UBOX5: variants seen among roughly 807,000 people sequenced by gnomAD.
The protein encoded by UBOX5 is U-box domain containing 5.
A neutral mutation model predicts 39.0 loss-of-function variants in UBOX5; 28 were observed. That is an observed-to-expected ratio of 0.72 (90% confidence interval 0.53 to 0.98). The LOEUF (loss-of-function observed/expected upper bound fraction) is 0.98, where lower values mean the gene tolerates loss of function less well. UBOX5 is among the 50% of genes least tolerant of loss of function. The pLI, the probability that UBOX5 is intolerant of heterozygous loss-of-function variation, is 0.00. For missense variants in UBOX5, 585 were observed against 674.4 expected, an observed-to-expected ratio of 0.87 and a Z score of 1.47; for synonymous variants, 283 against 275.5, an observed-to-expected ratio of 1.03 and a Z score of -0.27.
chr20:3,123,337 A>T lies in UBOX5; in HGVS notation c.29T>A (p.Phe10Tyr). The T allele has an allele frequency of 1.2e-6, 2 of 1,614,084 alleles. No individual in the cohort carries two copies. The highest frequency in any genetic ancestry group is 1.7e-6 in the Non-Finnish European group (2 of 1,179,998). The change falls in exon 2 of 5, where the codon TTC (phenylalanine) becomes TAC (tyrosine). Residue 10 changes from phenylalanine (F) to tyrosine (Y), a missense_variant. Physicochemically the swap from Phe to Tyr is conservative, Grantham distance 22. Coordinates refer to ENST00000217173, the MANE Select transcript of UBOX5 (RefSeq NM_014948.4). MVINLCLPQ[F>Y]RPRIHCNKIS... The stretch of plus-strand genomic sequence containing the variant: ...CTTGTTGCAGTGAATTCTTGGTCTG[A>T]ACTGTGGGAGGCAAAGATTTATTAC...
intron 1 of UBOX5, among the ~76,000 whole-genome samples, chr20:3,139,383 T>TTTTA (rs112252385): frequency 0.13 from 18,989 of 151,606 alleles, 1,359 homozygotes; most frequent in African/African-American, 0.2. Flanking sequence ...TATTTTTAAT[T>TTTTA]TTTATTTATT....
intron 1 of UBOX5, among the ~76,000 whole-genome samples, chr20:3,144,852 T>G (rs1219682390): frequency 6.6e-6 from 1 of 152,228 alleles, no homozygotes; most frequent in Admixed American, 6.5e-5. Context: ...AAAACCATTC[T>G]GCCTAAGCGT....
intron 1 of UBOX5, among the ~76,000 whole-genome samples, chr20:3,141,957 G>A (rs1021538203): frequency 6.6e-6 from 1 of 151,212 alleles, no homozygotes; most frequent in African/African-American, 2.4e-5. Flanking sequence ...AGGCTGCAGT[G>A]AGCCATAATC....
At chr20:3,114,935 G>A (rs1046945002) in intron 4 of UBOX5, among the ~76,000 whole-genome samples, 5 of 152,088 alleles carry the variant, frequency 3.3e-5, no homozygotes, top group South Asian at 2.1e-4. Context: ...GCAACAGGGC[G>A]AGATGCAGTC....
intron 1 of UBOX5, among the ~76,000 whole-genome samples, chr20:3,144,539 G>C (rs1217368071): frequency 6.6e-6 from 1 of 152,064 alleles, no homozygotes; most frequent in African/African-American, 2.4e-5. Context: ...AAGACATAGG[G>C]GTAAATCTCC....
At chr20:3,121,258 A>C in intron 3 of UBOX5, 126 bp downstream of exon 3, 1 of 1,380,712 alleles carries the variant, frequency 7.2e-7, no homozygotes, top group Non-Finnish European at 9.8e-7. Flanking sequence ...GGAAACGGGA[A>C]GGAGGCAGCA....
In UBOX5 at chr20:3,122,512, T is replaced by C; in HGVS notation, c.127A>G (p.Thr43Ala). The change falls in exon 3 of 5, where the codon ACA becomes GCA. Residue 43 changes from threonine (T) to alanine (A), a missense_variant. Physicochemically the swap from Thr to Ala is moderately conservative, Grantham distance 58. Coordinates refer to ENST00000217173, the MANE Select transcript of UBOX5 (RefSeq NM_014948.4). Reference protein sequence around the residue: ...DLTKRSHGFRTEYFIKPPVYV... With the variant: ...DLTKRSHGFRAEYFIKPPVYV... ...ACTGGTGGCTTAATGAAATACTCTG[T>C]CCTGAAACCATGACTTCTCTTTGTG... is the stretch of plus-strand genomic sequence containing the variant. 6.2e-7 allele frequency: 1 copy of C among 1,613,450 alleles called. No individual in the cohort carries two copies. Among genetic ancestry groups the C allele is most frequent in the Admixed American group, 1.7e-5 (1 of 59,896 alleles).
intron 1 of UBOX5, among the ~76,000 whole-genome samples, chr20:3,125,568 G>GCCA (rs1427073663): frequency 7.8e-5 from 9 of 115,112 alleles, no homozygotes; most frequent in African/African-American, 1.0e-4. Flanking sequence ...CTGCCCGGCC[G>GCCA]CCCATCGTCT....
intron 1 of UBOX5, among the ~76,000 whole-genome samples, chr20:3,153,786 A>G (rs184738105): frequency 5.4e-4 from 82 of 152,300 alleles, no homozygotes; most frequent in South Asian, 5.0e-3. Context: ...TGAGACCAGA[A>G]GTGTTTCAGA....
chr20:3,122,586 T>G lies in UBOX5; in HGVS notation c.55-2A>C. On this transcript the variant is annotated splice_acceptor_variant, in intron 2 of 4. Coordinates refer to ENST00000217173, the MANE Select transcript of UBOX5 (RefSeq NM_014948.4). LOFTEE classifies it high-confidence loss of function. ...TACTTCGTAACCATCAGCTGATATC[T>G]AGATTTAATAAAAAACACAAGATAC... 2 of 1,554,172 alleles carry G rather than the reference T, an allele frequency of 1.3e-6. No homozygotes were observed. Among genetic ancestry groups the G allele is most frequent in the Non-Finnish European group, 1.7e-6 (2 of 1,150,638 alleles).
intron 1 of UBOX5, among the ~76,000 whole-genome samples, chr20:3,134,163 A>C (rs1277098056): frequency 6.6e-6 from 1 of 152,152 alleles, no homozygotes; most frequent in Non-Finnish European, 1.5e-5. Context: ...CCTTAATGAT[A>C]ATATATTATG....
chr20:3,135,822 A>C (rs576793705), intron 1 of UBOX5, among the ~76,000 whole-genome samples: 1 of 152,172 alleles, frequency 6.6e-6, no homozygotes, highest in Non-Finnish European at 1.5e-5. Flanking sequence ...GGTCAGAAGT[A>C]AGTCATCGGT....
intron 1 of UBOX5, among the ~76,000 whole-genome samples, chr20:3,151,449 G>C (rs541714386): frequency 1.1e-4 from 17 of 152,208 alleles, no homozygotes; most frequent in Middle Eastern, 3.4e-3. Flanking sequence ...TACATAAAAA[G>C]TCTGCTGATC....
chr20:3,124,538 C>A (rs2066363068), intron 1 of UBOX5, among the ~76,000 whole-genome samples: 2 of 152,216 alleles, frequency 1.3e-5, no homozygotes, highest in Admixed American at 1.3e-4. Context: ...CTCTGCCCGG[C>A]CGCCACCCCA....
At chr20:3,140,357 C>T (rs2066508129) in intron 1 of UBOX5, among the ~76,000 whole-genome samples, 1 of 152,002 alleles carries the variant, frequency 6.6e-6, no homozygotes, top group African/African-American at 2.4e-5. Flanking sequence ...TGTATAGGCT[C>T]AAAACAAGGC....
At chr20:3,156,947 G>A (rs908316448) in intron 1 of UBOX5, among the ~76,000 whole-genome samples, 1 of 152,048 alleles carries the variant, frequency 6.6e-6, no homozygotes, top group East Asian at 1.9e-4. Context: ...ATAATTTGTT[G>A]AGCAACCTTA....
rs1005007454 is a variant in UBOX5, at chr20:3,159,478, G to A, written c.-42+288C>T. Among the ~76,000 whole-genome samples, 55 of 152,206 alleles carry A rather than the reference G, an allele frequency of 3.6e-4. 1 individual carries two copies. The highest frequency in any genetic ancestry group is 1.5e-3 in the East Asian group (8 of 5,202). The stretch of plus-strand genomic sequence containing the variant: ...CTGACTACATTCTCTTAACAGCACC[G>A]TGAGACAAGTACTGTTACGATCTCC... On this transcript the variant is annotated intron_variant, in intron 1 of 4. Transcript: ENST00000217173.
chr20:3,147,935 T>C (rs1206049231), intron 1 of UBOX5: 2 of 1,614,212 alleles, frequency 1.2e-6, no homozygotes, highest in Non-Finnish European at 1.7e-6. Context: ...AGGAGCTATC[T>C]CTCCAATCTG....
At chr20:3,113,705 A>G (rs968036980) in intron 4 of UBOX5, among the ~76,000 whole-genome samples, 2 of 152,276 alleles carry the variant, frequency 1.3e-5, no homozygotes, top group Admixed American at 1.3e-4. Context: ...GGAACTCGAG[A>G]ATGACTTCTG....
Sources: allele counts gnomAD v4.1 joint callset (sites outside exome capture counted in the v4.1 genomes callset), GRCh38; gene constraint gnomAD v4.1.1; transcripts MANE v1.5; gene names NCBI Gene and HGNC (gene_info 2026-07-23, HGNC 2026-07-21).